The following MYRFL variants were observed in gnomAD, a reference collection of about 807,000 sequenced individuals.
MYRFL encodes the protein myelin regulatory factor-like protein.
A neutral mutation model predicts 109.4 loss-of-function variants in MYRFL; 88 were observed. The observed-to-expected ratio is 0.80, with a 90% confidence interval of 0.68 to 0.96. The LOEUF (loss-of-function observed/expected upper bound fraction) is 0.96, where lower values mean the gene tolerates loss of function less well. MYRFL is among the 40% of genes least tolerant of loss of function. The pLI, the probability that MYRFL is intolerant of heterozygous loss-of-function variation, is 0.00. For missense variants in MYRFL, 957 were observed against 954.9 expected (o/e 1.00, Z -0.03); for synonymous variants, 324 against 320.9 (o/e 1.01, Z -0.10).
intron 19 of MYRFL, among the ~76,000 whole-genome samples, chr12:69,944,731 T>C (rs570104001): frequency 7.0e-4 from 106 of 151,934 alleles, no homozygotes; most frequent in Admixed American, 1.2e-3. Flanking sequence ...GTAATGGATA[T>C]CCCTTGGGCT....
At chr12:69,949,244 TAA>T (rs11301848) in intron 19 of MYRFL, among the ~76,000 whole-genome samples, 120 of 145,258 alleles carry the variant, frequency 8.3e-4, no homozygotes, top group East Asian at 1.8e-3. Flanking sequence ...ATCTGCAAAT[TAA>T]AAAAAAAAAA....
chr12:69,900,810 G>A (rs773307337), intron 10 of MYRFL, among the ~76,000 whole-genome samples: 2 of 152,110 alleles, frequency 1.3e-5, no homozygotes, highest in African/African-American at 4.8e-5. Flanking sequence ...CCTGCAGGGG[G>A]CGCCATTTAC....
chr12:69,865,288 G>T (rs1009433902), intron 2 of MYRFL, among the ~76,000 whole-genome samples: 3 of 152,198 alleles, frequency 2.0e-5, no homozygotes, highest in Admixed American at 1.3e-4. Flanking sequence ...GTGGACAAAA[G>T]GGTGTGATCT....
At chr12:69,944,878 T>A (rs1257951911) in intron 19 of MYRFL, among the ~76,000 whole-genome samples, 1 of 152,054 alleles carries the variant, frequency 6.6e-6, no homozygotes, top group African/African-American at 2.4e-5. Context: ...GAAGTATAAT[T>A]TTAAAAAAGT....
intron 1 of MYRFL, among the ~76,000 whole-genome samples, chr12:69,828,999 A>G (rs1226593971): frequency 1.3e-5 from 2 of 152,110 alleles, no homozygotes; most frequent in African/African-American, 4.8e-5. Context: ...TTGAAAGCAA[A>G]GAGGAGATTC....
At chr12:69,905,444 G>T (rs1459162517) in intron 11 of MYRFL, among the ~76,000 whole-genome samples, 2 of 152,250 alleles carry the variant, frequency 1.3e-5, no homozygotes, top group East Asian at 3.9e-4. Flanking sequence ...TGAAATTTCT[G>T]TATCCCCTTC....
chr12:69,877,282 C>T (rs1366093212), intron 2 of MYRFL, among the ~76,000 whole-genome samples: 2 of 152,130 alleles, frequency 1.3e-5, no homozygotes, highest in South Asian at 2.1e-4. Context: ...CTCCGCCTCC[C>T]AAAGTGCTGG....
At chr12:69,949,241 A>G (rs1955912072) in intron 19 of MYRFL, among the ~76,000 whole-genome samples, 1 of 131,716 alleles carries the variant, frequency 7.6e-6, no homozygotes, top group Non-Finnish European at 1.7e-5. Flanking sequence ...TAAATCTGCA[A>G]ATTAAAAAAA....
chr12:69,935,867 A>G, intron 16 of MYRFL: 3 of 501,274 alleles, frequency 6.0e-6, no homozygotes, highest in Non-Finnish European at 1.0e-5. Context: ...GGGCTGCTCT[A>G]TGTGGAAAAA....
rs375298063 is a variant in MYRFL, at chr12:69,889,015, G to T, written c.708-1956G>T. Among the ~76,000 whole-genome samples, 7 of 152,222 alleles carry T rather than the reference G, an allele frequency of 4.6e-5. No homozygotes were observed. In the East Asian group the frequency reaches 1.4e-3, roughly 29 times the overall value. On this transcript the variant is annotated intron_variant, in intron 6 of 24. Transcript: ENST00000552032. ...CAATGACTCAGTAACTTGATCCATT[G>T]GGAAGGTGCAAAGAACATGAACACT... is the stretch of plus-strand genomic sequence containing the variant.
chr12:69,853,290 C>T lies in MYRFL; in HGVS notation c.47-1990C>T, dbSNP rs367823608. Among the ~76,000 whole-genome samples the T allele has an allele frequency of 4.7e-3, 717 of 151,786 alleles. 8 individuals carry two copies. Among genetic ancestry groups the T allele is most frequent in the African/African-American group, 0.016 (669 of 41,380 alleles). ...CCCATCTCCTGGACAGGGCGGCTGC[C>T]GGGCAGAGACGCTCCTCACTTCCCG... On this transcript the variant is annotated intron_variant, in intron 1 of 24. Coordinates refer to ENST00000552032, the MANE Select transcript of MYRFL (RefSeq NM_182530.3).
chr12:69,879,748 C>T (rs976974688), intron 4 of MYRFL, among the ~76,000 whole-genome samples: 1 of 152,204 alleles, frequency 6.6e-6, no homozygotes, highest in African/African-American at 2.4e-5. Flanking sequence ...AGCTAGACTA[C>T]CCAAAGGGAT....
At chr12:69,942,827 C>A (rs1392671916) in intron 19 of MYRFL, among the ~76,000 whole-genome samples, 1 of 151,912 alleles carries the variant, frequency 6.6e-6, no homozygotes, top group Non-Finnish European at 1.5e-5. Flanking sequence ...TGATAAGCAA[C>A]TTCAGCAAAG....
intron 1 of MYRFL, among the ~76,000 whole-genome samples, chr12:69,837,274 C>T (rs879272454): frequency 4.6e-5 from 7 of 152,204 alleles, no homozygotes; most frequent in Non-Finnish European, 1.0e-4. Flanking sequence ...TGCCTCCCTT[C>T]TATCCTCCTC....
intron 1 of MYRFL, among the ~76,000 whole-genome samples, chr12:69,829,460 G>C (rs1311425934): frequency 6.6e-6 from 1 of 152,100 alleles, no homozygotes; most frequent in Non-Finnish European, 1.5e-5. Flanking sequence ...TAATCTAGAA[G>C]GGCTTCAGGG....
At chr12:69,888,235 T>C (rs1489097481) in intron 6 of MYRFL, among the ~76,000 whole-genome samples, 1 of 152,114 alleles carries the variant, frequency 6.6e-6, no homozygotes, top group Non-Finnish European at 1.5e-5. Flanking sequence ...ATGAGGCAGA[T>C]TTATGTTGAG....
chr12:69,829,992 C>T (rs1882526640), intron 1 of MYRFL, among the ~76,000 whole-genome samples: 1 of 152,056 alleles, frequency 6.6e-6, no homozygotes, highest in Non-Finnish European at 1.5e-5. Flanking sequence ...ACAACTTTCC[C>T]ACTCTCTTAG....
intron 5 of MYRFL, among the ~76,000 whole-genome samples, chr12:69,880,956 T>TTTTTTTTG (rs1565993118): frequency 6.5e-5 from 9 of 138,386 alleles, no homozygotes; most frequent in Non-Finnish European, 1.6e-5. Context: ...TTCCTGTTTT[T>TTTTTTTTG]TTTTTTTTTT....
chr12:69,880,187 T>G lies in MYRFL; in HGVS notation c.465-14T>G. 1.4e-6 allele frequency: 1 copy of G among 702,344 alleles called. No individual in the cohort carries two copies. The highest frequency in any genetic ancestry group is 2.6e-6 in the Non-Finnish European group (1 of 384,652). The allele number at this position is 702,344 out of a possible 1,614,324, so 43.5% of individuals were successfully genotyped here. ...GGAAGAATCCTAACCTTCGTTTTGG[T>G]GTCTTGATTTTAGAGCCTCATTGCC... On this transcript the variant is annotated splice_polypyrimidine_tract_variant and intron_variant, in intron 4 of 24. Transcript: ENST00000552032.
Sources: gnomAD v4.1 joint callset for allele counts (sites outside exome capture counted in the v4.1 genomes callset) on GRCh38, gnomAD v4.1.1 for gene constraint, MANE v1.5 for transcripts, NCBI Gene and HGNC (gene_info 2026-07-23, HGNC 2026-07-21) for gene names.